The following SLIT1 variants were observed in gnomAD, a reference collection of about 807,000 sequenced individuals.
The protein encoded by SLIT1 is slit homolog 1 protein.
A neutral mutation model predicts 186.1 loss-of-function variants in SLIT1; 66 were observed. The observed-to-expected ratio is 0.35, with a 90% confidence interval of 0.29 to 0.44. SLIT1 has a LOEUF of 0.44. SLIT1 is among the 20% of genes least tolerant of loss of function. SLIT1 has a pLI of 1.00. For missense variants in SLIT1, 1,638 were observed against 2,037.4 expected, an observed-to-expected ratio of 0.80 and a Z score of 3.77; for synonymous variants, 761 against 833.8, an observed-to-expected ratio of 0.91 and a Z score of 1.50.
At chr10:97,098,227 G>A (rs539242968) in intron 4 of SLIT1, among the ~76,000 whole-genome samples, 32 of 152,286 alleles carry the variant, frequency 2.1e-4, no homozygotes, top group African/African-American at 7.0e-4. Context: ...GGGATGACCC[G>A]GGGGGCTAAG....
intron 4 of SLIT1, among the ~76,000 whole-genome samples, chr10:97,070,682 G>A (rs1403726756): frequency 6.6e-6 from 1 of 152,222 alleles, no homozygotes; most frequent in African/African-American, 2.4e-5. Context: ...TGAGGACACA[G>A]CTAGAAGGCA....
chr10:97,002,298 C>T lies in SLIT1; in HGVS notation c.4226G>A (p.Gly1409Glu). The T allele has an allele frequency of 6.2e-7, 1 of 1,611,220 alleles. No individual in the cohort carries two copies. Among genetic ancestry groups the T allele is most frequent in the African/African-American group, 1.3e-5 (1 of 75,012 alleles). ...GGCCCCGGCCTGGTTGCACAGTGCC[C>T]CCGAGTACCCATCCTGGCACTGGCA... ...YSCQCQDGYS[G>E]ALCNQAGALA... The change falls in exon 36 of 37, where the codon GGG (glycine) becomes GAG (glutamate). Residue 1409 changes from glycine to glutamate, a missense_variant. Around this residue, in one of 3 missense-constraint regions of SLIT1, gnomAD observed 220 missense variants for 211.3 expected, o/e 1.04. Transcript: ENST00000266058.
At chr10:97,116,020 G>A (rs558841898) in intron 4 of SLIT1, among the ~76,000 whole-genome samples, 33 of 152,336 alleles carry the variant, frequency 2.2e-4, no homozygotes, top group African/African-American at 6.3e-4. Context: ...TCCAAGCCTT[G>A]GTTGTGCCAG....
intron 3 of SLIT1, among the ~76,000 whole-genome samples, chr10:97,161,014 C>T (rs866912187): frequency 4.5e-4 from 69 of 152,170 alleles, no homozygotes; most frequent in Non-Finnish European, 1.2e-4. Context: ...CATGAGCCAC[C>T]GTGCCTGGCT....
rs1233165651 is a variant in SLIT1 at position 97,021,517 on chromosome 10, T to C, written c.2583-104A>G. ...CTGCACCAGGGGCTGGCAAAAATCT[T>C]AGCCTCCATTTCATGAGCATTTACT... is the stretch of plus-strand genomic sequence containing the variant. On this transcript the variant is annotated intron_variant, in intron 25 of 36. Transcript: ENST00000266058. The surrounding 1 kb of genome is among the most constrained non-coding windows in gnomAD (Gnocchi z 4.5). 3.9e-6 allele frequency: 4 copies of C among 1,026,478 alleles called. No homozygotes were observed. In the East Asian group the frequency reaches 1.1e-4, roughly 27 times the overall value. 63.6% of individuals were successfully genotyped at this position (1,026,478 alleles called of 1,614,324 possible).
intron 4 of SLIT1, chr10:97,153,560 C>CA (rs5787221): frequency 0.74 from 112,826 of 152,096 alleles, 42,186 homozygotes; most frequent in Admixed American, 0.82. Context: ...GAATAGGTCC[C>CA]ACTCCAGCTC....
chr10:97,052,276 T>C (rs1848796401), intron 13 of SLIT1, among the ~76,000 whole-genome samples: 1 of 151,966 alleles, frequency 6.6e-6, no homozygotes, highest in Non-Finnish European at 1.5e-5. Context: ...TTTAAGAATT[T>C]TGTGTAGAGG....
At chr10:97,140,206 C>T (rs79700334) in intron 4 of SLIT1, among the ~76,000 whole-genome samples, 2 of 152,186 alleles carry the variant, frequency 1.3e-5, no homozygotes, top group Non-Finnish European at 2.9e-5. Context: ...TATGTGCCAG[C>T]GTTCCTCGTA....
At chr10:97,098,604 AAGG>A (rs1202956249) in intron 4 of SLIT1, among the ~76,000 whole-genome samples, 1 of 152,228 alleles carries the variant, frequency 6.6e-6, no homozygotes, top group Non-Finnish European at 1.5e-5. Flanking sequence ...GCAGGTGCCC[AAGG>A]CCTTTGAATG....
At position 97,044,306 on chromosome 10, in the gene SLIT1, G is replaced by A. The variant is rs796510602; in HGVS notation, c.1854-793C>T. Among the ~76,000 whole-genome samples, 4 of 152,276 alleles carry A rather than the reference G, an allele frequency of 2.6e-5. No individual in the cohort carries two copies. In the South Asian group the frequency reaches 8.3e-4, roughly 32 times the overall value. On this transcript the variant is annotated intron_variant, in intron 18 of 36. Transcript: ENST00000266058. ...AGCTGCTTGGGAGGCTGAGGTGGGA[G>A]GATCTCTTGAGCCCAGGAGTTCAAG...
chr10:97,037,086 GTGTGTGTGTGTGTA>G lies in SLIT1; in HGVS notation c.2366+598_2366+611del, dbSNP rs1365781250. On this transcript the variant is annotated intron_variant, in intron 22 of 36. Transcript: ENST00000266058. ...TGTGTGTGTGTGTGTGTGTGTGTGT[GTGTGTGTGTGTGTA>G]TGTGTGTGTGTGTGACGGAGTTTTG... 3.6e-3 allele frequency among the ~76,000 whole-genome samples: 533 copies of G among 150,052 alleles called. 2 individuals carry two copies. The highest frequency in any genetic ancestry group is 5.8e-3 in the Non-Finnish European group (392 of 67,120).
rs1385108743 is a variant in SLIT1 at position 97,002,932 on chromosome 10, C to T, written c.3926G>A (p.Gly1309Asp). The T allele has an allele frequency of 6.2e-7, 1 of 1,614,212 alleles. No individual in the cohort carries two copies. ...CAGGTTTCGGATGCAACCGTGGAAGCCGGTGCCGTTGAGGATCTGCCACAG... is the reference window on the plus strand; with the variant it reads ...CAGGTTTCGGATGCAACCGTGGAAGTCGGTGCCGTTGAGGATCTGCCACAG... ...FRLWQILNGT[G>D]FHGCIRNLYI... is the part of the protein sequence containing the mutation. The change falls in exon 35 of 37, where the codon GGC becomes GAC. Residue 1309 changes from glycine (G) to aspartate (D), a missense_variant. Transcript: ENST00000266058.
intron 4 of SLIT1, among the ~76,000 whole-genome samples, chr10:97,088,342 GC>G (rs1455302797): frequency 6.6e-6 from 1 of 152,076 alleles, no homozygotes; most frequent in Non-Finnish European, 1.5e-5. Flanking sequence ...TATTTCCAAT[GC>G]CCCAGGATGA....
At chr10:97,017,469 C>T (rs1322976761) in intron 28 of SLIT1, among the ~76,000 whole-genome samples, 3 of 152,196 alleles carry the variant, frequency 2.0e-5, no homozygotes, top group Non-Finnish European at 4.4e-5. Context: ...GCTCATTGGG[C>T]GGTCCTGTGG....
At chr10:97,090,622 C>T (rs934722346) in intron 4 of SLIT1, among the ~76,000 whole-genome samples, 12 of 152,034 alleles carry the variant, frequency 7.9e-5, no homozygotes, top group African/African-American at 2.7e-4. Context: ...AAGCAAGAAG[C>T]AACCCTCTTA....
At chr10:97,040,583 C>T (rs1289788350) in intron 20 of SLIT1, among the ~76,000 whole-genome samples, 3 of 152,106 alleles carry the variant, frequency 2.0e-5, no homozygotes, top group Non-Finnish European at 4.4e-5. Flanking sequence ...GTGCCTGGCA[C>T]GCAGCAGCCC....
In SLIT1 at chr10:97,163,412, A is replaced by G. The variant is rs1421098852; in HGVS notation, c.309T>C (p.Gly103=). The G allele has an allele frequency of 6.2e-7, 1 of 1,614,164 alleles. No homozygotes were observed. Among genetic ancestry groups the G allele is most frequent in the Admixed American group, 1.7e-5 (1 of 60,028 alleles). The change falls in exon 3 of 37, where the codon GGT becomes GGC. Residue 103 remains glycine (G), a synonymous_variant. Coordinates refer to ENST00000266058, the MANE Select transcript of SLIT1 (RefSeq NM_003061.3). ...MENQIGAVER[G]AFDDMKELER... ...CCAGCTCCTTCATGTCATCAAAAGC[A>G]CCACGTTCCACTGCTCCAATCTGGT...
chr10:97,088,149 C>A (rs1564672310), intron 4 of SLIT1, among the ~76,000 whole-genome samples: 1 of 152,116 alleles, frequency 6.6e-6, no homozygotes, highest in East Asian at 1.9e-4. Context: ...AGGGAGGGAG[C>A]CTGGGCTTTG....
At chr10:97,072,352 C>G (rs1237788530) in intron 4 of SLIT1, among the ~76,000 whole-genome samples, 4 of 152,122 alleles carry the variant, frequency 2.6e-5, no homozygotes, top group African/African-American at 9.7e-5. Context: ...TTTGTAGAGA[C>G]AGGGTCTCAC....
Sources: allele counts gnomAD v4.1 joint callset (sites outside exome capture counted in the v4.1 genomes callset), GRCh38; gene constraint gnomAD v4.1.1; regional missense constraint gnomAD v4.1.1; non-coding constraint Gnocchi (gnomAD v3.1); transcripts MANE v1.5; gene names NCBI Gene and HGNC (gene_info 2026-07-23, HGNC 2026-07-21).